The following TRIM50 variants were observed in gnomAD, a reference collection of about 807,000 sequenced individuals.
The protein encoded by TRIM50 is tripartite motif containing 50.
A neutral mutation model predicts 44.9 loss-of-function variants in TRIM50; 34 were observed. That is an observed-to-expected ratio of 0.76 (90% confidence interval 0.58 to 1.01). The LOEUF (loss-of-function observed/expected upper bound fraction) is 1.01, where lower values mean the gene tolerates loss of function less well. Among genes scored for constraint, TRIM50 ranks in the 50% least tolerant of loss-of-function variants. TRIM50 has a pLI of 0.00. For synonymous variants in TRIM50, 307 were observed against 291.1 expected (o/e 1.05, Z -0.56); for missense variants, 633 against 663.7 (o/e 0.95, Z 0.51).
In TRIM50 at chr7:73,313,011, CCAG is replaced by C. The variant is rs1563297286; in HGVS notation, c.1371_1373del (p.Cys457del). 6.4e-7 allele frequency: 1 copy of C among 1,557,176 alleles called. No individual in the cohort carries two copies. Among genetic ancestry groups the C allele is most frequent in the Admixed American group, 1.9e-5 (1 of 51,430 alleles). On this transcript the variant is annotated inframe_deletion, in exon 7 of 7. Coordinates refer to ENST00000333149, the MANE Select transcript of TRIM50 (RefSeq NM_178125.3). The surrounding 1 kb of genome is among the most constrained non-coding windows in gnomAD (Gnocchi z 4.9). ...GCAGCGAGTTGCTGCCCCTCTCGTG[CCAG>C]CAGGTGTCCAGGATGGGGTAGAGCT...
chr7:73,321,688 C>A (rs1290381035), intron 2 of TRIM50, among the ~76,000 whole-genome samples: 1 of 152,316 alleles, frequency 6.6e-6, no homozygotes, highest in Non-Finnish European at 1.5e-5. Context: ...ATGCAATATA[C>A]AGAATTTTTG....
At chr7:73,325,884 CG>C (rs1172273019) in intron 1 of TRIM50, among the ~76,000 whole-genome samples, 1 of 19,180 alleles carries the variant, frequency 5.2e-5, no homozygotes, top group African/African-American at 2.3e-4. Context: ...TTTTTTTGGG[CG>C]GGGGGGCTGG....
chr7:73,324,583 C>T lies in TRIM50; in HGVS notation c.205G>A (p.Val69Ile), dbSNP rs781883924. The change falls in exon 2 of 7, where the codon GTC (valine) becomes ATC (isoleucine). Residue 69 changes from valine to isoleucine, a missense_variant. Physicochemically the swap from Val to Ile is conservative, Grantham distance 29. Coordinates refer to ENST00000333149, the MANE Select transcript of TRIM50 (RefSeq NM_178125.3). ...AVDGSSSLPN[V>I]SLARVIEALR... ...GCTTCGATCACCCTGGCCAGGGAGA[C>T]GTTGGGCAGGGAGCTGCTGCCGTCC... 5.5e-5 allele frequency: 89 copies of T among 1,614,004 alleles called. No individual in the cohort carries two copies. The highest frequency in any genetic ancestry group is 7.1e-5 in the Non-Finnish European group (84 of 1,180,022).
At chr7:73,316,925 G>T in intron 5 of TRIM50, 1 of 452,424 alleles carries the variant, frequency 2.2e-6, no homozygotes, top group Non-Finnish European at 3.6e-6. Context: ...GACCAGCAGT[G>T]TTGGTTGGAA....
chr7:73,325,636 AC>A (rs1386812896), intron 1 of TRIM50: 1 of 153,386 alleles, frequency 6.5e-6, no homozygotes, highest in East Asian at 1.9e-4. Context: ...TCCCAGCAAC[AC>A]CCCTGTGTCC....
chr7:73,328,069 C>G lies in TRIM50; in HGVS notation c.-188G>C, dbSNP rs1215983050. On this transcript the variant is annotated 5_prime_UTR_variant, in exon 1 of 7. Coordinates refer to ENST00000333149, the MANE Select transcript of TRIM50 (RefSeq NM_178125.3). ...GCCCCGCCTCGCGCTACCGCGCGTG[C>G]CCCATCATGCTCTGCGCGCTCCCAT... is the stretch of plus-strand genomic sequence containing the variant. 11 of 886,236 alleles carry G rather than the reference C, an allele frequency of 1.2e-5. No homozygotes were observed. In the East Asian group the frequency reaches 2.9e-4, roughly 24 times the overall value. 54.9% of individuals were successfully genotyped at this position (886,236 alleles called of 1,614,324 possible).
chr7:73,324,797 C>T lies in TRIM50; in HGVS notation c.-10G>A. The T allele has an allele frequency of 6.2e-7, 1 of 1,613,488 alleles. No individual in the cohort carries two copies. The highest frequency in any genetic ancestry group is 8.5e-7 in the Non-Finnish European group (1 of 1,180,014). On this transcript the variant is annotated 5_prime_UTR_variant, in exon 2 of 7. In the 5' UTR this introduces an upstream ATG that the reference lacks. Coordinates refer to ENST00000333149, the MANE Select transcript of TRIM50 (RefSeq NM_178125.3). ...TCACCTGCCAAGCCATCCACACTCACTGCCCGGGCTGAAACACAGGCATCC... is the reference window on the plus strand; with the variant it reads ...TCACCTGCCAAGCCATCCACACTCATTGCCCGGGCTGAAACACAGGCATCC...
Position 73,315,735 on chromosome 7 carries a change from A to C in TRIM50, c.874+830T>G, listed in dbSNP as rs1586474753. The stretch of plus-strand genomic sequence containing the variant: ...CAGTCTCCCTTATGTACAAGACAGC[A>C]TGCTAGTAATAAAGGAATGAAATGT... On this transcript the variant is annotated intron_variant, in intron 6 of 6. Coordinates refer to ENST00000333149, the MANE Select transcript of TRIM50 (RefSeq NM_178125.3). Among the ~76,000 whole-genome samples, 5 of 152,340 alleles carry C rather than the reference A, an allele frequency of 3.3e-5. No homozygotes were observed. In the South Asian group the frequency reaches 8.3e-4, roughly 25 times the overall value.
chr7:73,322,222 G>A (rs547891757), intron 2 of TRIM50, among the ~76,000 whole-genome samples: 7 of 152,274 alleles, frequency 4.6e-5, no homozygotes, highest in South Asian at 4.1e-4. Flanking sequence ...GGTGGTGGGC[G>A]CCTGTAGTCC....
At chr7:73,325,014 ATG>A (rs3040867) in intron 1 of TRIM50, among the ~76,000 whole-genome samples, 74,855 of 141,604 alleles carry the variant, frequency 0.53, 19,375 homozygotes, top group Middle Eastern at 0.6. Context: ...CCTTGAAGAT[ATG>A]TGTGTGTGTG....
rs571952214 is a variant in TRIM50, at chr7:73,323,684, C to G, written c.399+705G>C. ...CATGGCTCCAGGCACTGAAATACAC[C>G]AGGGGACAAAATGAAGTCCCCACCC... On this transcript the variant is annotated intron_variant, in intron 2 of 6. Coordinates refer to ENST00000333149, the MANE Select transcript of TRIM50 (RefSeq NM_178125.3). Among the ~76,000 whole-genome samples, 8 of 152,302 alleles carry G rather than the reference C, an allele frequency of 5.3e-5. No individual in the cohort carries two copies. The East Asian group carries it at 1.5e-3, about 29-fold the overall frequency.
intron 1 of TRIM50, among the ~76,000 whole-genome samples, chr7:73,325,014 A>ATGTGTGTGTGTGTGTG (rs3040867): frequency 2.3e-4 from 33 of 142,034 alleles, no homozygotes; most frequent in South Asian, 9.4e-4. Context: ...CCTTGAAGAT[A>ATGTGTGTGTGTGTGTG]TGTGTGTGTG....
At position 73,313,501 on chromosome 7, in the gene TRIM50, G is replaced by A. The variant is rs1804285565; in HGVS notation, c.884C>T (p.Pro295Leu). The A allele has an allele frequency of 1.3e-6, 2 of 1,505,728 alleles. No homozygotes were observed. The highest frequency in any genetic ancestry group is 1.8e-6 in the Non-Finnish European group (2 of 1,128,170). The allele number at this position is 1,505,728 out of a possible 1,614,324, so 93.3% of individuals were successfully genotyped here. Residue 295 changes from proline to leucine, a missense_variant, in exon 7 of 7, where the codon CCT (proline) becomes CTT (leucine). Transcript: ENST00000333149. The surrounding 1 kb of genome is among the most constrained non-coding windows in gnomAD (Gnocchi z 4.9). ...LFRKVLPAPE[P>L]LKLDPATAHP... ...GGCAGTGGCAGGGTCCAACTTGAGA[G>A]GCTCCGGGGCTGGGAGGGAGATCAC...
intron 5 of TRIM50, 126 bp downstream of exon 5, chr7:73,318,561 T>G: frequency 6.3e-7 from 1 of 1,592,976 alleles, no homozygotes; most frequent in Non-Finnish European, 8.6e-7. Context: ...CCAGGCTCAG[T>G]TATAGAGCCA....
In TRIM50 at chr7:73,313,331, C is replaced by T; in HGVS notation, c.1054G>A (p.Glu352Lys). The T allele has an allele frequency of 6.2e-7, 1 of 1,606,434 alleles. No individual in the cohort carries two copies. The highest frequency in any genetic ancestry group is 8.5e-7 in the Non-Finnish European group (1 of 1,177,330). Residue 352 changes from glutamate to lysine, a missense_variant, in exon 7 of 7, where the codon GAG becomes AAG. By Grantham distance (56) the Glu-to-Lys change is moderately conservative. Coordinates refer to ENST00000333149, the MANE Select transcript of TRIM50 (RefSeq NM_178125.3). This position sits in a 1 kb window ranked among gnomAD's most constrained non-coding sequence, Gnocchi z 4.9. Reference protein sequence around the residue: ...RGFSCGRHYWEVVVGSKSDWR... With the variant: ...RGFSCGRHYWKVVVGSKSDWR... ...TCGCTCTTGCTGCCCACCACCACCT[C>T]CCAGTAGTGGCGGCCGCAGGAGAAG...
intron 6 of TRIM50, among the ~76,000 whole-genome samples, chr7:73,315,545 G>C (rs1351403049): frequency 6.6e-6 from 1 of 152,134 alleles, no homozygotes; most frequent in East Asian, 1.9e-4. Context: ...TGTAGAGATG[G>C]CGTCTCACTA....
At chr7:73,320,766 G>A (rs1424649467) in intron 2 of TRIM50, among the ~76,000 whole-genome samples, 2 of 151,970 alleles carry the variant, frequency 1.3e-5, no homozygotes, top group African/African-American at 4.8e-5. Context: ...AGTGGCTCAC[G>A]CCTGTACTCC....
At chr7:73,316,756 A>G in intron 5 of TRIM50, 67 bp from the exon 6 acceptor site, 2 of 1,577,902 alleles carry the variant, frequency 1.3e-6, no homozygotes, top group Non-Finnish European at 1.7e-6. Context: ...CCTCCATCCT[A>G]TCTATGTTTG....
chr7:73,313,300 C>A lies in TRIM50; in HGVS notation c.1085G>T (p.Arg362Leu). Reference protein sequence around the residue: ...EVVVGSKSDWRLGVIKGTASR... With the variant: ...EVVVGSKSDWLLGVIKGTASR... ...GGCTGTGCCCTTGATGACCCCCAGG[C>A]GCCAGTCGCTCTTGCTGCCCACCAC... The change falls in exon 7 of 7, where the codon CGC becomes CTC. Residue 362 changes from arginine (R) to leucine (L), a missense_variant. Arg to Leu is a moderately radical substitution (Grantham distance 102). Coordinates refer to ENST00000333149, the MANE Select transcript of TRIM50 (RefSeq NM_178125.3). The surrounding 1 kb of genome is among the most constrained non-coding windows in gnomAD (Gnocchi z 4.9). 2 of 1,605,486 alleles carry A rather than the reference C, an allele frequency of 1.2e-6. No individual in the cohort carries two copies.
Sources: gnomAD v4.1 joint callset for allele counts (sites outside exome capture counted in the v4.1 genomes callset) on GRCh38, gnomAD v4.1.1 for gene constraint, Gnocchi (gnomAD v3.1) non-coding constraint, MANE v1.5 for transcripts, NCBI Gene and HGNC (gene_info 2026-07-23, HGNC 2026-07-21) for gene names.